Variants in PRKD1 observed in about 807,000 individuals in gnomAD.
PRKD1 encodes serine/threonine-protein kinase D1.
PRKD1 carries 63 observed loss-of-function variants against 95.9 expected under a neutral mutation model. That is an observed-to-expected ratio of 0.66 (90% CI 0.54 to 0.81). The LOEUF is 0.81. Among genes scored for constraint, PRKD1 ranks in the 30% least tolerant of loss-of-function variants. PRKD1 has a pLI of 0.00. For missense variants in PRKD1, 1,048 were observed against 1,165.3 expected (o/e 0.90, Z 1.47); for synonymous variants, 425 against 423.1 (o/e 1.00, Z -0.05).
At chr14:29,883,271 A>C (rs184961512) in intron 1 of PRKD1, among the ~76,000 whole-genome samples, 180 of 152,312 alleles carry the variant, frequency 1.2e-3, no homozygotes, top group Non-Finnish European at 2.1e-3. Flanking sequence ...CTCCGCATTA[A>C]GGATTACATT....
chr14:29,802,468 G>A (rs535428461), intron 1 of PRKD1, among the ~76,000 whole-genome samples: 124 of 152,340 alleles, frequency 8.1e-4, no homozygotes, highest in Middle Eastern at 3.4e-3. Context: ...AGATGGATTA[G>A]ATAGATCTAA....
chr14:29,701,133 G>A (rs755955259), intron 2 of PRKD1, among the ~76,000 whole-genome samples: 45 of 152,124 alleles, frequency 3.0e-4, no homozygotes, highest in South Asian at 4.1e-4. Flanking sequence ...GATTCAGGTG[G>A]TTATATCTGA....
intron 1 of PRKD1, among the ~76,000 whole-genome samples, chr14:29,732,750 C>T (rs1189949262): frequency 6.6e-6 from 1 of 152,060 alleles, no homozygotes; most frequent in Non-Finnish European, 1.5e-5. Flanking sequence ...ATGTTTTTAG[C>T]TCTTTAAAAT....
chr14:29,877,603 AG>A (rs1435460016), intron 1 of PRKD1, among the ~76,000 whole-genome samples: 1 of 152,216 alleles, frequency 6.6e-6, no homozygotes, highest in Non-Finnish European at 1.5e-5. Flanking sequence ...GTTGTCTTCC[AG>A]GGTTTTTATA....
intron 1 of PRKD1, among the ~76,000 whole-genome samples, chr14:29,896,510 C>T (rs978487897): frequency 2.0e-5 from 3 of 151,932 alleles, no homozygotes; most frequent in African/African-American, 7.3e-5. Flanking sequence ...AGTAAATCAT[C>T]AGAAAAATAA....
At chr14:29,651,689 T>C (rs1332232236) in intron 4 of PRKD1, among the ~76,000 whole-genome samples, 1 of 151,826 alleles carries the variant, frequency 6.6e-6, no homozygotes, top group African/African-American at 2.4e-5. Context: ...CATGAGGACA[T>C]ATAAACTGTT....
At position 29,711,184 on chromosome 14, in the gene PRKD1, C is replaced by T. The variant is rs575929925; in HGVS notation, c.403+14352G>A. On this transcript the variant is annotated intron_variant, in intron 2 of 17. Coordinates refer to ENST00000331968, the MANE Select transcript of PRKD1 (RefSeq NM_002742.3). ...AGGTGGAAAAGGTGGTATATTGAGG[C>T]TATATAATTAAATATTTTTCATTAA... Among the ~76,000 whole-genome samples the T allele has an allele frequency of 3.3e-5, 5 of 151,968 alleles. No individual in the cohort carries two copies. The South Asian group carries it at 1.0e-3, about 32-fold the overall frequency.
chr14:29,793,434 C>T (rs529286559), intron 1 of PRKD1, among the ~76,000 whole-genome samples: 8 of 152,166 alleles, frequency 5.3e-5, no homozygotes, highest in East Asian at 1.9e-4. Context: ...AAGCCACTAA[C>T]GAGAATTGAT....
intron 1 of PRKD1, among the ~76,000 whole-genome samples, chr14:29,763,357 AGGAAGGAAGGAG>A (rs1160806086): frequency 7.6e-6 from 1 of 132,254 alleles, no homozygotes; most frequent in Non-Finnish European, 1.6e-5. Context: ...CAAGGAAGGA[AGGAAGGAAGGAG>A]GGAAGGAAGG....
chr14:29,609,721 T>TA (rs1878318355), intron 13 of PRKD1, among the ~76,000 whole-genome samples: 1 of 148,134 alleles, frequency 6.8e-6, no homozygotes, highest in Non-Finnish European at 1.5e-5. Context: ...TTTATTTTTT[T>TA]TTTTTTTTTG....
intron 1 of PRKD1, among the ~76,000 whole-genome samples, chr14:29,743,657 G>A (rs1019174439): frequency 1.3e-5 from 2 of 152,124 alleles, no homozygotes; most frequent in East Asian, 1.9e-4. Context: ...ATAGAAATAC[G>A]CCTCACAAGA....
chr14:29,724,515 G>T (rs139491804), intron 2 of PRKD1, among the ~76,000 whole-genome samples: 4 of 152,268 alleles, frequency 2.6e-5, no homozygotes, highest in Admixed American at 1.3e-4. Context: ...TCTACACAAT[G>T]AAGTTGTGGC....
intron 1 of PRKD1, among the ~76,000 whole-genome samples, chr14:29,858,850 A>T (rs1892602383): frequency 7.1e-6 from 1 of 141,780 alleles, no homozygotes; most frequent in Admixed American, 6.7e-5. Context: ...TGCTATTTAG[A>T]AAAAATGCTG....
intron 1 of PRKD1, among the ~76,000 whole-genome samples, chr14:29,890,889 G>A (rs779473531): frequency 3.9e-5 from 6 of 152,134 alleles, no homozygotes; most frequent in Admixed American, 3.3e-4. Context: ...TGTTAATACT[G>A]AATGAAAGTT....
At chr14:29,604,092 A>C (rs2139027067) in intron 13 of PRKD1, among the ~76,000 whole-genome samples, 1 of 152,300 alleles carries the variant, frequency 6.6e-6, no homozygotes, top group Non-Finnish European at 1.5e-5. Flanking sequence ...CTTTTATAAA[A>C]GTAATATCTC....
intron 13 of PRKD1, among the ~76,000 whole-genome samples, chr14:29,607,766 T>C (rs564744959): frequency 6.6e-6 from 1 of 152,344 alleles, no homozygotes; most frequent in South Asian, 2.1e-4. Context: ...ACTCTTCCTA[T>C]TTTAAGGTCT....
At chr14:29,726,866 CT>C (rs1416870496) in intron 1 of PRKD1, among the ~76,000 whole-genome samples, 2 of 151,360 alleles carry the variant, frequency 1.3e-5, no homozygotes, top group East Asian at 3.9e-4. Context: ...ACTTAGTTCA[CT>C]TTATTTTTTT....
At chr14:29,781,564 G>T (rs561601332) in intron 1 of PRKD1, among the ~76,000 whole-genome samples, 1 of 152,190 alleles carries the variant, frequency 6.6e-6, no homozygotes, top group Non-Finnish European at 1.5e-5. Flanking sequence ...AAATTTATCC[G>T]GCCTGAGCCA....
intron 16 of PRKD1, among the ~76,000 whole-genome samples, chr14:29,580,281 A>G (rs1435709652): frequency 6.6e-6 from 1 of 152,168 alleles, no homozygotes; most frequent in Non-Finnish European, 1.5e-5. Flanking sequence ...AGGGAATGGA[A>G]TAAGTAAAAA....
Sources: allele counts gnomAD v4.1 joint callset (sites outside exome capture counted in the v4.1 genomes callset), GRCh38; gene constraint gnomAD v4.1.1; transcripts MANE v1.5; gene names NCBI Gene and HGNC (gene_info 2026-07-23, HGNC 2026-07-21).